The following PDZK1 variants were observed in gnomAD, a reference collection of about 807,000 sequenced individuals.
PDZK1 encodes PDZ domain containing 1.
A neutral mutation model predicts 38.1 loss-of-function variants in PDZK1; 23 were observed. The observed-to-expected ratio is 0.60, with a 90% CI of 0.43 to 0.85. The LOEUF (loss-of-function observed/expected upper bound fraction) is 0.85, where lower values mean the gene tolerates loss of function less well. PDZK1 is among the 40% of genes least tolerant of loss of function. The pLI is 0.00. For synonymous variants in PDZK1, 98 were observed against 186.2 expected, an observed-to-expected ratio of 0.53 and a Z score of 3.86; for missense variants, 297 against 504.3, an observed-to-expected ratio of 0.59 and a Z score of 3.94.
At position 145,686,527 on chromosome 1, in the gene PDZK1, T is replaced by C. The variant is rs782362986; in HGVS notation, c.410A>G (p.Tyr137Cys). The C allele has an allele frequency of 1.9e-6, 3 of 1,611,988 alleles. No individual in the cohort carries two copies. The South Asian group carries it at 3.3e-5, about 18-fold the overall frequency. ...VQTWTQPRLCYLVKEGGSYGF... is the reference protein window; with the variant it reads ...VQTWTQPRLCCLVKEGGSYGF... ...ATAGCTGCCTCCTTCCTTCACGAGA[T>C]AGCAGAGCCGGGGCTGGGTCCAAGT... The change falls in exon 3 of 9, where the codon TAT becomes TGT. Residue 137 changes from tyrosine (Y) to cysteine (C), a missense_variant. Tyr to Cys is a radical substitution (Grantham distance 194). Around this residue, in one of 5 missense-constraint regions of PDZK1, gnomAD observed 159 missense variants for 200.0 expected, o/e 0.79. Transcript: ENST00000417171.
At chr1:145,704,966 C>A (rs1200452109) in intron 1 of PDZK1, among the ~76,000 whole-genome samples, 1 of 152,172 alleles carries the variant, frequency 6.6e-6, no homozygotes, top group Non-Finnish European at 1.5e-5. Context: ...CACACTAATT[C>A]CATTTATGCA....
intron 6 of PDZK1, among the ~76,000 whole-genome samples, chr1:145,677,721 G>C (rs1653825896): frequency 6.8e-6 from 1 of 147,812 alleles, no homozygotes; most frequent in Non-Finnish European, 1.5e-5. Flanking sequence ...TATGAGGAGG[G>C]CCTAAGATAT....
intron 3 of PDZK1, among the ~76,000 whole-genome samples, chr1:145,684,093 C>G (rs1654522125): frequency 6.6e-6 from 1 of 151,834 alleles, no homozygotes; most frequent in Non-Finnish European, 1.5e-5. Flanking sequence ...GTAATCCACT[C>G]GCCTCGCACT....
At chr1:145,706,045 T>C (rs1202078701) in intron 1 of PDZK1, among the ~76,000 whole-genome samples, 6 of 152,180 alleles carry the variant, frequency 3.9e-5, no homozygotes, top group African/African-American at 1.4e-4. Context: ...TGAGCCACCA[T>C]GCAGGACCAC....
chr1:145,702,996 A>G (rs1180896839), intron 1 of PDZK1, among the ~76,000 whole-genome samples: 6 of 152,186 alleles, frequency 3.9e-5, no homozygotes, highest in African/African-American at 1.4e-4. Context: ...TGGTCTATGC[A>G]TGGTCACCCA....
intron 1 of PDZK1, among the ~76,000 whole-genome samples, chr1:145,694,456 C>G (rs979200526): frequency 6.6e-6 from 1 of 152,210 alleles, no homozygotes; most frequent in Non-Finnish European, 1.5e-5. Flanking sequence ...AGACATACTA[C>G]CCAAACCTGA....
At chr1:145,686,942 G>T (rs1654826709) in intron 2 of PDZK1, among the ~76,000 whole-genome samples, 1 of 152,120 alleles carries the variant, frequency 6.6e-6, no homozygotes, top group Admixed American at 6.6e-5. Flanking sequence ...GGAATATAGA[G>T]TGTGGTTCAA....
intron 3 of PDZK1, among the ~76,000 whole-genome samples, chr1:145,684,777 T>TA (rs1198609517): frequency 2.0e-5 from 3 of 146,414 alleles, no homozygotes; most frequent in Non-Finnish European, 4.5e-5. Context: ...TTGTACCCAT[T>TA]AACCTAGCTC....
At chr1:145,694,942 T>C (rs1017241111) in intron 1 of PDZK1, among the ~76,000 whole-genome samples, 4 of 130,834 alleles carry the variant, frequency 3.1e-5, no homozygotes, top group Non-Finnish European at 6.6e-5. Context: ...AAGAAAAATA[T>C]CATTGTGAGC....
At chr1:145,693,647 G>T (rs60762832) in intron 1 of PDZK1, among the ~76,000 whole-genome samples, 5 of 151,890 alleles carry the variant, frequency 3.3e-5, no homozygotes, top group African/African-American at 1.2e-4. Context: ...GGTGGCGGGC[G>T]CCTGTGGTCC....
At chr1:145,695,519 C>A (rs1421910969) in intron 1 of PDZK1, among the ~76,000 whole-genome samples, 9 of 151,704 alleles carry the variant, frequency 5.9e-5, no homozygotes, top group Admixed American at 4.6e-4. Context: ...GAGCTAAAAC[C>A]CAATGTGGTT....
chr1:145,677,721 G>T (rs1653825896), intron 6 of PDZK1, among the ~76,000 whole-genome samples: 1 of 147,812 alleles, frequency 6.8e-6, no homozygotes, highest in Non-Finnish European at 1.5e-5. Context: ...TATGAGGAGG[G>T]CCTAAGATAT....
chr1:145,704,786 A>G (rs782142798), intron 1 of PDZK1, among the ~76,000 whole-genome samples: 22 of 152,210 alleles, frequency 1.4e-4, no homozygotes, highest in African/African-American at 2.4e-4. Flanking sequence ...TATGCAACGA[A>G]TGCAAGAATC....
intron 4 of PDZK1, among the ~76,000 whole-genome samples, chr1:145,681,582 C>T (rs1430242107): frequency 1.4e-5 from 2 of 144,278 alleles, no homozygotes; most frequent in African/African-American, 5.4e-5. Context: ...GCCACCGCGC[C>T]CGGCCCCTAT....
intron 1 of PDZK1, among the ~76,000 whole-genome samples, chr1:145,697,055 C>T (rs996967234): frequency 4.6e-5 from 7 of 152,114 alleles, no homozygotes; most frequent in Admixed American, 1.3e-4. Flanking sequence ...AGGCTGGATG[C>T]GGTGGCTCAC....
chr1:145,691,170 G>A (rs1382632584), intron 1 of PDZK1, among the ~76,000 whole-genome samples: 4 of 152,094 alleles, frequency 2.6e-5, no homozygotes, highest in Non-Finnish European at 4.4e-5. Context: ...AATATTTAAC[G>A]CCCCCAGCTG....
intron 1 of PDZK1, among the ~76,000 whole-genome samples, chr1:145,694,895 C>CAAAAAA (rs10657290): frequency 7.5e-5 from 3 of 39,788 alleles, no homozygotes; most frequent in Non-Finnish European, 1.1e-4. Context: ...GACTCTGTCT[C>CAAAAAA]AAAAAAAAAA....
At chr1:145,702,802 G>C (rs1656037664) in intron 1 of PDZK1, among the ~76,000 whole-genome samples, 1 of 152,228 alleles carries the variant, frequency 6.6e-6, no homozygotes, top group Admixed American at 6.5e-5. Flanking sequence ...CTGAGGTAGG[G>C]GAATGGTGTG....
At chr1:145,687,705 G>T (rs1379484964) in intron 2 of PDZK1, 107 bp downstream of exon 2, 12 of 905,984 alleles carry the variant, frequency 1.3e-5, no homozygotes, top group Non-Finnish European at 2.2e-5. Flanking sequence ...CTTGCCAGTG[G>T]CAGCCAGGAA....
Sources: allele counts gnomAD v4.1 joint callset (sites outside exome capture counted in the v4.1 genomes callset), GRCh38; gene constraint gnomAD v4.1.1; regional missense constraint gnomAD v4.1.1; transcripts MANE v1.5; gene names NCBI Gene and HGNC (gene_info 2026-07-23, HGNC 2026-07-21).